The following EHMT1 variants were observed in gnomAD, a reference collection of about 807,000 sequenced individuals.
EHMT1 encodes euchromatic histone lysine methyltransferase 1.
EHMT1 carries 15 observed loss-of-function variants against 147.2 expected under a neutral mutation model. The ratio of observed to expected loss-of-function variants is 0.10; its 90% CI spans 0.07 to 0.16. The LOEUF (loss-of-function observed/expected upper bound fraction) is 0.16, where lower values mean the gene tolerates loss of function less well. Among genes scored for constraint, EHMT1 ranks in the 10% least tolerant of loss-of-function variants. The pLI, the probability that EHMT1 is intolerant of heterozygous loss-of-function variation, is 1.00. For missense variants in EHMT1, 1,587 were observed against 1,772.4 expected (o/e 0.90, Z 1.88); for synonymous variants, 795 against 709.6 (o/e 1.12, Z -1.91).
At chr9:137,683,278 A>G (rs979894042) in intron 1 of EHMT1, among the ~76,000 whole-genome samples, 2 of 152,246 alleles carry the variant, frequency 1.3e-5, no homozygotes, top group East Asian at 3.8e-4. Context: ...CCTGAGGTAA[A>G]AGCGGATCTG....
chr9:137,822,459 T>C (rs1474687515), intron 25 of EHMT1, among the ~76,000 whole-genome samples: 1 of 152,184 alleles, frequency 6.6e-6, no homozygotes, highest in African/African-American at 2.4e-5. Context: ...TCCAAAGTGG[T>C]TATAGCACTT....
Position 137,671,627 on chromosome 9 carries a change from C to G in EHMT1, c.22-39340C>G, listed in dbSNP as rs542766589. ...GCAACCTCTGCCTCTCGGGCTCAAG[C>G]TATTCTCCCACCACAGCCTCTCAGG... On this transcript the variant is annotated intron_variant, in intron 1 of 26. Transcript: ENST00000460843. Among the ~76,000 whole-genome samples, 4 of 149,788 alleles carry G rather than the reference C, an allele frequency of 2.7e-5. No homozygotes were observed. The South Asian group carries it at 8.5e-4, about 32-fold the overall frequency.
chr9:137,719,355 A>G (rs2135558098), intron 3 of EHMT1, among the ~76,000 whole-genome samples: 1 of 152,104 alleles, frequency 6.6e-6, no homozygotes, highest in South Asian at 2.1e-4. Context: ...GTGGGGCTGG[A>G]CTGCTGGCTC....
intron 3 of EHMT1, among the ~76,000 whole-genome samples, chr9:137,723,723 G>A (rs4979641): frequency 0.49 from 75,302 of 152,186 alleles, 21,305 homozygotes; most frequent in African/African-American, 0.77. Context: ...TTTTTTTAAA[G>A]CCACAATTTA....
intron 25 of EHMT1, among the ~76,000 whole-genome samples, chr9:137,821,216 T>C (rs1452507147): frequency 1.3e-5 from 2 of 151,946 alleles, no homozygotes; most frequent in African/African-American, 2.4e-5. Context: ...AGGTGGGGTT[T>C]CACCATCTTG....
chr9:137,758,457 T>C (rs1371378344), intron 9 of EHMT1, among the ~76,000 whole-genome samples: 1 of 152,260 alleles, frequency 6.6e-6, no homozygotes, highest in Admixed American at 6.5e-5. Context: ...ATTTAGTGTA[T>C]TTTTGTACCT....
chr9:137,788,408 A>C, intron 15 of EHMT1: 1 of 245,200 alleles, frequency 4.1e-6, no homozygotes, highest in Non-Finnish European at 7.8e-6. Context: ...AGGTGTAAGG[A>C]GGTTGCAGGT....
intron 1 of EHMT1, chr9:137,646,500 C>T: frequency 1.0e-6 from 1 of 960,170 alleles, no homozygotes; most frequent in Non-Finnish European, 1.2e-6. Flanking sequence ...AGGAGCTAGT[C>T]AGCAGGTGGA....
rs1185137726 is a variant in EHMT1 at position 137,762,769 on chromosome 9, C to A, written c.1596C>A (p.Ile532=). ...TGGAAACACCGAAGAGTCGAGAGAT[C>A]ACCACACTGGCCAACAACCAGTGCA... ...CRMETPKSRE[I]TTLANNQCMA... The change falls in exon 10 of 27, where the codon ATC becomes ATA. Residue 532 remains isoleucine (I), a synonymous_variant. Coordinates refer to ENST00000460843, the MANE Select transcript of EHMT1 (RefSeq NM_024757.5). 6.2e-7 allele frequency: 1 copy of A among 1,614,220 alleles called. No homozygotes were observed. The highest frequency in any genetic ancestry group is 8.5e-7 in the Non-Finnish European group (1 of 1,180,048).
chr9:137,703,278 A>G (rs1375298100), intron 1 of EHMT1, among the ~76,000 whole-genome samples: 3 of 152,214 alleles, frequency 2.0e-5, no homozygotes, highest in Non-Finnish European at 4.4e-5. Context: ...GGCTATTAAC[A>G]TTCAGCTCCT....
At chr9:137,749,141 C>T (rs1948778907) in intron 6 of EHMT1, among the ~76,000 whole-genome samples, 1 of 151,944 alleles carries the variant, frequency 6.6e-6, no homozygotes, top group Admixed American at 6.6e-5. Flanking sequence ...TCCTGGCCTG[C>T]TCCTGACCTG....
intron 21 of EHMT1, chr9:137,814,179 C>T: frequency 1.7e-6 from 1 of 590,774 alleles, no homozygotes. Flanking sequence ...CCACGTCACC[C>T]ACTGCCGCGT....
chr9:137,649,688 G>A (rs1234088790), intron 1 of EHMT1, among the ~76,000 whole-genome samples: 3 of 152,128 alleles, frequency 2.0e-5, no homozygotes, highest in African/African-American at 7.2e-5. Flanking sequence ...GGCAGAGGTG[G>A]GAGCCAAGTG....
chr9:137,816,479 C>T (rs1954928820), intron 23 of EHMT1: 1 of 320,258 alleles, frequency 3.1e-6, no homozygotes, highest in Non-Finnish European at 6.1e-6. Flanking sequence ...TGTCCCAACG[C>T]TTCTCAGGCT....
At position 137,751,344 on chromosome 9, in the gene EHMT1, A is replaced by G. The variant is rs1948951022; in HGVS notation, c.1171-987A>G. On this transcript the variant is annotated intron_variant, in intron 6 of 26. Transcript: ENST00000460843. Reference sequence around the variant, plus strand: ...GCTTTAAAAACTTGACAGGAAAAACAGGGGTCTCGCTGTGTTGCCCAGGCT... The same window carrying G: ...GCTTTAAAAACTTGACAGGAAAAACGGGGGTCTCGCTGTGTTGCCCAGGCT... Among the ~76,000 whole-genome samples the G allele has an allele frequency of 2.6e-5, 4 of 152,234 alleles. No individual in the cohort carries two copies. In the South Asian group the frequency reaches 8.3e-4, roughly 32 times the overall value.
chr9:137,757,698 G>A (rs188103878), intron 8 of EHMT1, among the ~76,000 whole-genome samples, 182 bp from the exon 9 acceptor site: 2 of 152,218 alleles, frequency 1.3e-5, no homozygotes, highest in Admixed American at 6.5e-5. Context: ...AATAATATGC[G>A]GGAGAGAAAA....
chr9:137,722,255 A>C (rs956767303), intron 3 of EHMT1, among the ~76,000 whole-genome samples: 1 of 152,186 alleles, frequency 6.6e-6, no homozygotes, highest in Non-Finnish European at 1.5e-5. Context: ...TTAGGGAAAA[A>C]AAGCAATTTG....
intron 1 of EHMT1, chr9:137,620,137 A>C (rs193209540): frequency 6.6e-6 from 1 of 152,216 alleles, no homozygotes. Flanking sequence ...GTAAACTGGG[A>C]AGGTGCAGGG....
rs1950932247 is a variant in EHMT1 at position 137,776,034 on chromosome 9, A to C, written c.1792-584A>C. 6.6e-6 allele frequency among the ~76,000 whole-genome samples: 1 copy of C among 152,076 alleles called. No individual in the cohort carries two copies. The highest frequency in any genetic ancestry group is 1.5e-5 in the Non-Finnish European group (1 of 68,000). On this transcript the variant is annotated intron_variant, in intron 11 of 26. Coordinates refer to ENST00000460843, the MANE Select transcript of EHMT1 (RefSeq NM_024757.5). The surrounding 1 kb of genome is among the most constrained non-coding windows in gnomAD (Gnocchi z 4.4). ...TGCCCCTTTACGAACATGGGCCAAG[A>C]GCTTCCACTTTTGGGAGACTTTCTT...
Sources: gnomAD v4.1 joint callset for allele counts (sites outside exome capture counted in the v4.1 genomes callset) on GRCh38, gnomAD v4.1.1 for gene constraint, Gnocchi (gnomAD v3.1) non-coding constraint, MANE v1.5 for transcripts, NCBI Gene and HGNC (gene_info 2026-07-23, HGNC 2026-07-21) for gene names.